CALN1: variants seen among roughly 807,000 people sequenced by gnomAD.
The protein encoded by CALN1 is calcium-binding protein 8.
Under a neutral mutation model 30.6 loss-of-function variants are expected in CALN1, and 17 were observed. The observed-to-expected ratio is 0.56, with a 90% CI of 0.38 to 0.83. CALN1 has a LOEUF of 0.83. Among genes scored for constraint, CALN1 ranks in the 40% least tolerant of loss-of-function variants. The probability of loss-of-function intolerance (pLI) is 0.00; values close to 1 mark genes in which losing one functional copy is unlikely to be tolerated. For synonymous variants in CALN1, 156 were observed against 131.4 expected (o/e 1.19, Z -1.28); for missense variants, 291 against 354.9 (o/e 0.82, Z 1.45).
At chr7:72,128,588 G>T (rs909892171) in intron 3 of CALN1, among the ~76,000 whole-genome samples, 3 of 152,102 alleles carry the variant, frequency 2.0e-5, no homozygotes, top group South Asian at 2.1e-4. Flanking sequence ...ATCTTAAAAC[G>T]GGCCAGGTGC....
chr7:72,362,790 T>C (rs1803645952), intron 2 of CALN1, among the ~76,000 whole-genome samples: 1 of 152,178 alleles, frequency 6.6e-6, no homozygotes, highest in Non-Finnish European at 1.5e-5. Context: ...ACTCATCCTC[T>C]TGATCCCAGC....
chr7:72,045,316 C>T (rs555167982), intron 4 of CALN1, among the ~76,000 whole-genome samples: 2 of 152,198 alleles, frequency 1.3e-5, no homozygotes, highest in South Asian at 2.1e-4. Context: ...CCCAGACAAC[C>T]AGCTCCTGAC....
At position 72,321,799 on chromosome 7, in the gene CALN1, ACAAAGTGT is replaced by A. The variant is rs145748356; in HGVS notation, c.120-42997_120-42990del. ...CTGATTCTCCCTTACCAAGAACAGCACAAAGTGTCATCTCTCTTGGCATCTTCCTGCCA... is the reference window on the plus strand; with the variant it reads ...CTGATTCTCCCTTACCAAGAACAGCACATCTCTCTTGGCATCTTCCTGCCA... On this transcript the variant is annotated intron_variant, in intron 2 of 6. Transcript: ENST00000395275. Among the ~76,000 whole-genome samples, 180 of 152,282 alleles carry A rather than the reference ACAAAGTGT, an allele frequency of 1.2e-3. 5 individuals are homozygous for A. The East Asian group carries it at 0.033, about 28-fold the overall frequency.
chr7:72,371,826 G>C (rs1804261013), intron 2 of CALN1, among the ~76,000 whole-genome samples: 1 of 152,104 alleles, frequency 6.6e-6, no homozygotes, highest in Non-Finnish European at 1.5e-5. Context: ...TCCATTTCTG[G>C]GTAAGATAAA....
intron 3 of CALN1, among the ~76,000 whole-genome samples, chr7:72,248,347 C>A (rs964441740): frequency 6.6e-6 from 1 of 152,144 alleles, no homozygotes; most frequent in Non-Finnish European, 1.5e-5. Context: ...ACTCCACCCA[C>A]CTTGGCCTCC....
chr7:72,146,898 G>C (rs975682171), intron 3 of CALN1, among the ~76,000 whole-genome samples: 1 of 152,260 alleles, frequency 6.6e-6, no homozygotes, highest in South Asian at 2.1e-4. Context: ...ATGGTGCTGG[G>C]AAAACTGGCT....
chr7:72,063,784 AT>A (rs1022009882), intron 4 of CALN1, among the ~76,000 whole-genome samples: 1 of 152,174 alleles, frequency 6.6e-6, no homozygotes, highest in Non-Finnish European at 1.5e-5. Context: ...GGCATTTCAG[AT>A]TTTGGATTTT....
chr7:71,830,520 G>C (rs1404680003), intron 5 of CALN1, among the ~76,000 whole-genome samples: 2 of 151,674 alleles, frequency 1.3e-5, no homozygotes, highest in Non-Finnish European at 2.9e-5. Flanking sequence ...GCTAATTTTT[G>C]TACTTTTAGT....
At chr7:72,248,513 CCTT>C (rs1399143771) in intron 3 of CALN1, among the ~76,000 whole-genome samples, 2 of 152,166 alleles carry the variant, frequency 1.3e-5, no homozygotes, top group African/African-American at 4.8e-5. Flanking sequence ...CTCTCTTTCT[CCTT>C]CTTTCTCTCT....
the CALN1 span, among the ~76,000 whole-genome samples, chr7:72,460,057 T>C: frequency 6.6e-6 from 1 of 152,068 alleles, no homozygotes; most frequent in Admixed American, 6.6e-5. Flanking sequence ...GGAGCCAGCA[T>C]CACATGGCAA....
At chr7:71,896,346 G>C (rs1489234583) in intron 5 of CALN1, among the ~76,000 whole-genome samples, 2 of 152,036 alleles carry the variant, frequency 1.3e-5, no homozygotes, top group African/African-American at 4.8e-5. Flanking sequence ...CTAATTCAGT[G>C]TGTCTCTAGA....
At chr7:72,390,367 G>C (rs1424468420) in intron 2 of CALN1, among the ~76,000 whole-genome samples, 2 of 152,056 alleles carry the variant, frequency 1.3e-5, no homozygotes, top group Non-Finnish European at 2.9e-5. Context: ...GGAGGCAGAG[G>C]TTGTAGTGAG....
intron 5 of CALN1, among the ~76,000 whole-genome samples, chr7:71,933,402 C>A (rs185496245): frequency 1.3e-5 from 2 of 152,136 alleles, no homozygotes; most frequent in Non-Finnish European, 2.9e-5. Context: ...TCTTTCCTTT[C>A]GGAAGCCCCT....
intron 3 of CALN1, among the ~76,000 whole-genome samples, chr7:72,114,284 G>A: frequency 1.1e-5 from 1 of 88,484 alleles, no homozygotes; most frequent in Non-Finnish European, 2.1e-5. Context: ...GAAGGGAAGG[G>A]AAGGGAAGGG....
chr7:72,401,403 C>G (rs1159129510), intron 2 of CALN1, among the ~76,000 whole-genome samples: 1 of 152,168 alleles, frequency 6.6e-6, no homozygotes, highest in Non-Finnish European at 1.5e-5. Context: ...TCTCTCTCAG[C>G]CCACTGCACA....
At chr7:72,326,087 G>GAGA (rs1225677912) in intron 2 of CALN1, among the ~76,000 whole-genome samples, 4 of 152,160 alleles carry the variant, frequency 2.6e-5, no homozygotes, top group African/African-American at 9.7e-5. Context: ...ATTTTTAGTA[G>GAGA]AGACGCAGTT....
intron 4 of CALN1, among the ~76,000 whole-genome samples, chr7:72,099,395 T>C (rs1471531524): frequency 6.6e-6 from 1 of 150,958 alleles, no homozygotes; most frequent in Non-Finnish European, 1.5e-5. Flanking sequence ...CTTAATTAGG[T>C]AGGCTCGAAT....
the CALN1 span, among the ~76,000 whole-genome samples, chr7:72,489,249 G>T: frequency 6.6e-6 from 1 of 152,142 alleles, no homozygotes; most frequent in African/African-American, 2.4e-5. Context: ...ATTCTCCCTT[G>T]ACCAAAAAGA....
chr7:72,105,613 A>G (rs1489338372), intron 4 of CALN1, among the ~76,000 whole-genome samples: 2 of 151,606 alleles, frequency 1.3e-5, no homozygotes, highest in African/African-American at 2.4e-5. Flanking sequence ...CAATAAAGAA[A>G]GAGGAAACAA....
Sources: allele counts gnomAD v4.1 joint callset (sites outside exome capture counted in the v4.1 genomes callset), GRCh38; gene constraint gnomAD v4.1.1; transcripts MANE v1.5; gene names NCBI Gene and HGNC (gene_info 2026-07-23, HGNC 2026-07-21).